MED13L: variants seen among roughly 807,000 people sequenced by gnomAD.
The protein encoded by MED13L is mediator of RNA polymerase II transcription subunit 13-like.
MED13L carries 7 observed loss-of-function variants against 220.9 expected under a neutral mutation model. The observed-to-expected ratio is 0.03, with a 90% confidence interval of 0.02 to 0.06. The LOEUF (loss-of-function observed/expected upper bound fraction) is 0.06, where lower values mean the gene tolerates loss of function less well. Ranked by LOEUF, MED13L falls within the 10% of genes least tolerant of loss-of-function variation. The pLI, the probability that MED13L is intolerant of heterozygous loss-of-function variation, is 1.00. For synonymous variants in MED13L, 1,011 were observed against 1,015.2 expected (o/e 1.00, Z 0.08); for missense variants, 1,965 against 2,760.5 (o/e 0.71, Z 6.46).
rs551850911 is a variant in MED13L, at chr12:116,034,954, G to A, written c.480-12353C>T. ...TGGGAGGCGGAGGTTGCAGTGAGCC[G>A]AGATCGCGCCACTGCACTCCAGCCT... On this transcript the variant is annotated intron_variant, in intron 4 of 30. Transcript: ENST00000281928. Among the ~76,000 whole-genome samples the A allele has an allele frequency of 5.9e-5, 9 of 152,228 alleles. No homozygotes were observed. The East Asian group carries it at 1.4e-3, about 23-fold the overall frequency.
At chr12:116,142,217 T>C (rs1006062564) in intron 2 of MED13L, among the ~76,000 whole-genome samples, 1 of 152,228 alleles carries the variant, frequency 6.6e-6, no homozygotes, top group African/African-American at 2.4e-5. Context: ...CTATCTTCTC[T>C]ACCAGAGCTA....
intron 4 of MED13L, among the ~76,000 whole-genome samples, chr12:116,053,129 A>G (rs900800856): frequency 2.0e-5 from 3 of 152,216 alleles, no homozygotes; most frequent in Non-Finnish European, 4.4e-5. Flanking sequence ...CAAGAAAACC[A>G]CAGCACTAAT....
intron 2 of MED13L, among the ~76,000 whole-genome samples, chr12:116,143,978 C>CT (rs1877284770): frequency 6.6e-6 from 1 of 152,148 alleles, no homozygotes; most frequent in African/African-American, 2.4e-5. Flanking sequence ...TTCACCAATA[C>CT]TACAGAACTT....
At chr12:116,246,976 C>T (rs905772440) in intron 1 of MED13L, among the ~76,000 whole-genome samples, 2 of 151,412 alleles carry the variant, frequency 1.3e-5, no homozygotes, top group African/African-American at 4.9e-5. Context: ...TTTAAAAGGG[C>T]ATCTGCTTTG....
chr12:116,264,243 C>CA (rs778867968), intron 1 of MED13L, among the ~76,000 whole-genome samples: 20 of 151,776 alleles, frequency 1.3e-4, no homozygotes, highest in East Asian at 3.9e-4. Flanking sequence ...AGGAAAAGGA[C>CA]AAAAAAAATT....
At chr12:116,046,220 A>G (rs1391872328) in intron 4 of MED13L, among the ~76,000 whole-genome samples, 1 of 152,196 alleles carries the variant, frequency 6.6e-6, no homozygotes, top group Non-Finnish European at 1.5e-5. Context: ...TGAGTTTTTT[A>G]TTTTCAAAAG....
chr12:116,223,587 C>A (rs1462177993), intron 2 of MED13L, among the ~76,000 whole-genome samples: 1 of 151,980 alleles, frequency 6.6e-6, no homozygotes, highest in African/African-American at 2.4e-5. Context: ...GCCTGTAGTC[C>A]CAGCAGCTCA....
At chr12:116,179,548 T>C (rs908398645) in intron 2 of MED13L, among the ~76,000 whole-genome samples, 2 of 145,084 alleles carry the variant, frequency 1.4e-5, no homozygotes, top group East Asian at 2.0e-4. Context: ...ACCGAGAAAA[T>C]AGGGACTGCG....
At chr12:115,980,682 G>A (rs989875614) in intron 23 of MED13L, 68 bp downstream of exon 23, 1 of 1,530,942 alleles carries the variant, frequency 6.5e-7, no homozygotes, top group Non-Finnish European at 9.0e-7. Flanking sequence ...CTCTGGGTTA[G>A]ATAAAATACC....
At chr12:116,212,376 T>C (rs1410174806) in intron 2 of MED13L, among the ~76,000 whole-genome samples, 1 of 152,226 alleles carries the variant, frequency 6.6e-6, no homozygotes, top group East Asian at 1.9e-4. Flanking sequence ...ATTATTTTCC[T>C]GTTTGAATAA....
chr12:116,084,640 C>G (rs1339603542), intron 4 of MED13L, among the ~76,000 whole-genome samples: 1 of 151,992 alleles, frequency 6.6e-6, no homozygotes, highest in Non-Finnish European at 1.5e-5. Context: ...CAAAAATTAG[C>G]CGGGCGTGGT....
At chr12:116,040,395 CA>C in intron 4 of MED13L, among the ~76,000 whole-genome samples, 1 of 152,224 alleles carries the variant, frequency 6.6e-6, no homozygotes, top group South Asian at 2.1e-4. Flanking sequence ...ATCACAACTA[CA>C]AAATCTGATT....
intron 2 of MED13L, among the ~76,000 whole-genome samples, chr12:116,148,074 A>AAAAAAG (rs1377801971): frequency 2.0e-5 from 2 of 98,302 alleles, no homozygotes; most frequent in Non-Finnish European, 4.0e-5. Context: ...AAAAAAAAAA[A>AAAAAAG]GAGGGGGGCG....
chr12:116,072,760 G>A (rs978708157), intron 4 of MED13L, among the ~76,000 whole-genome samples: 1 of 152,170 alleles, frequency 6.6e-6, no homozygotes, highest in Admixed American at 6.5e-5. Flanking sequence ...CAGATTCATG[G>A]GAAGAACAGA....
chr12:115,999,028 T>C (rs1203289865), intron 14 of MED13L, among the ~76,000 whole-genome samples: 1 of 152,068 alleles, frequency 6.6e-6, no homozygotes, highest in Non-Finnish European at 1.5e-5. Flanking sequence ...ACCGATACAC[T>C]CTGAGGTGGA....
At chr12:116,037,544 T>C (rs529323693) in intron 4 of MED13L, among the ~76,000 whole-genome samples, 34 of 152,344 alleles carry the variant, frequency 2.2e-4, no homozygotes, top group Non-Finnish European at 4.1e-4. Flanking sequence ...ACTCAATCTG[T>C]ATAAGAGCAA....
chr12:116,192,075 T>G (rs977440720), intron 2 of MED13L, among the ~76,000 whole-genome samples: 12 of 152,220 alleles, frequency 7.9e-5, no homozygotes, highest in Non-Finnish European at 5.9e-5. Flanking sequence ...TAAATTTTTT[T>G]AAGATTTAAT....
intron 4 of MED13L, among the ~76,000 whole-genome samples, chr12:116,091,339 T>A (rs1872193412): frequency 6.6e-6 from 1 of 151,810 alleles, no homozygotes; most frequent in Admixed American, 6.6e-5. Flanking sequence ...AAATAAAAAC[T>A]AACAGTCATA....
chr12:116,032,380 A>G (rs1880907428), intron 4 of MED13L, among the ~76,000 whole-genome samples: 1 of 152,178 alleles, frequency 6.6e-6, no homozygotes, highest in African/African-American at 2.4e-5. Flanking sequence ...TTATAACAGG[A>G]TAATAATGAC....
Sources: gnomAD v4.1 joint callset for allele counts (sites outside exome capture counted in the v4.1 genomes callset) on GRCh38, gnomAD v4.1.1 for gene constraint, MANE v1.5 for transcripts, NCBI Gene and HGNC (gene_info 2026-07-23, HGNC 2026-07-21) for gene names.